Variants in CDK17 observed in about 807,000 individuals in gnomAD.
CDK17 encodes cyclin-dependent kinase 17.
In CDK17, 24 loss-of-function variants were observed where a neutral mutation model predicts 77.6. That is an observed-to-expected ratio of 0.31 (90% CI 0.22 to 0.44). The LOEUF is 0.44. Among genes scored for constraint, CDK17 ranks in the 20% least tolerant of loss-of-function variants. CDK17 has a pLI of 1.00. For missense variants in CDK17, 429 were observed against 622.5 expected, an observed-to-expected ratio of 0.69 and a Z score of 3.31; for synonymous variants, 203 against 210.4, an observed-to-expected ratio of 0.96 and a Z score of 0.30.
At chr12:96,369,967 T>C (rs991762174) in intron 1 of CDK17, among the ~76,000 whole-genome samples, 1 of 152,168 alleles carries the variant, frequency 6.6e-6, no homozygotes, top group African/African-American at 2.4e-5. Context: ...GATATTTTGC[T>C]ATTTTTGTTT....
chr12:96,380,451 G>C (rs925027704), intron 1 of CDK17, among the ~76,000 whole-genome samples: 1 of 151,702 alleles, frequency 6.6e-6, no homozygotes, highest in Non-Finnish European at 1.5e-5. Flanking sequence ...ACCACGCCCG[G>C]CTAATTTTTG....
chr12:96,376,466 G>A (rs1953784361), intron 1 of CDK17, among the ~76,000 whole-genome samples: 1 of 152,078 alleles, frequency 6.6e-6, no homozygotes, highest in South Asian at 2.1e-4. Context: ...CCCTACAAAT[G>A]CTTATAAGCA....
At chr12:96,357,468 C>T (rs1303701701) in intron 1 of CDK17, among the ~76,000 whole-genome samples, 28 of 151,998 alleles carry the variant, frequency 1.8e-4, no homozygotes, top group Non-Finnish European at 5.9e-5. Context: ...AACAAACAAA[C>T]GAAAACAGGA....
chr12:96,307,601 T>C lies in CDK17; in HGVS notation c.543+3451A>G, dbSNP rs529892112. On this transcript the variant is annotated intron_variant, in intron 5 of 16. Coordinates refer to ENST00000261211, the MANE Select transcript of CDK17 (RefSeq NM_002595.5). The stretch of plus-strand genomic sequence containing the variant: ...ATAAAAATGTCTTGGCCAGGCACAG[T>C]GGCTTATGCCTGTAATCCCAACACT... 3.3e-5 allele frequency among the ~76,000 whole-genome samples: 5 copies of C among 152,204 alleles called. No individual in the cohort carries two copies. The South Asian group carries it at 1.0e-3, about 32-fold the overall frequency.
intron 3 of CDK17, among the ~76,000 whole-genome samples, chr12:96,319,469 T>C (rs1308759973): frequency 7.7e-6 from 1 of 129,540 alleles, no homozygotes; most frequent in Non-Finnish European, 1.6e-5. Flanking sequence ...ATCATTCTGA[T>C]ACCAAAGCTG....
At chr12:96,336,320 C>G (rs998346133) in intron 1 of CDK17, among the ~76,000 whole-genome samples, 29 of 151,904 alleles carry the variant, frequency 1.9e-4, no homozygotes, top group African/African-American at 7.0e-4. Flanking sequence ...GAAAATTAGC[C>G]AGGCATGGTG....
chr12:96,357,967 T>C (rs1244801542), intron 1 of CDK17, among the ~76,000 whole-genome samples: 1 of 152,068 alleles, frequency 6.6e-6, no homozygotes, highest in East Asian at 1.9e-4. Flanking sequence ...CGGTAATTCA[T>C]AGAATAGAAT....
chr12:96,326,834 C>G (rs1168208024), intron 2 of CDK17, among the ~76,000 whole-genome samples: 1 of 152,114 alleles, frequency 6.6e-6, no homozygotes, highest in Non-Finnish European at 1.5e-5. Context: ...CCAGGTGAGA[C>G]CACAGAGGTA....
intron 1 of CDK17, among the ~76,000 whole-genome samples, chr12:96,386,334 T>C (rs71460347): frequency 0.078 from 11,804 of 152,168 alleles, 543 homozygotes; most frequent in African/African-American, 0.12. Context: ...TCAAAAAATT[T>C]CCACATTTAT....
chr12:96,387,685 T>C (rs770831315), intron 1 of CDK17, among the ~76,000 whole-genome samples: 3 of 152,226 alleles, frequency 2.0e-5, no homozygotes, highest in Non-Finnish European at 2.9e-5. Flanking sequence ...CTCACACCTG[T>C]AATCCCAGCG....
rs376685246 is a variant in CDK17, at chr12:96,368,816, G to C, written c.-30+31170C>G. On this transcript the variant is annotated intron_variant, in intron 1 of 16. Coordinates refer to ENST00000261211, the MANE Select transcript of CDK17 (RefSeq NM_002595.5). ...GAAGCTACTCTAAGACGGGGGGGGG[G>C]GGGGGGGGCACAATGAATAAGGCTG... 1.3e-4 allele frequency among the ~76,000 whole-genome samples: 12 copies of C among 90,682 alleles called. 1 individual carries two copies. The highest frequency in any genetic ancestry group is 3.9e-4 in the Admixed American group (3 of 7,746). The allele number at this position is 90,682 out of a possible 152,430, so 59.5% of individuals were successfully genotyped here.
Position 96,400,277 on chromosome 12 carries a change from G to T in CDK17, c.-321C>A. ...GCCCACTAATCCCCTCGGAGCAGCC[G>T]GGCGCGAGCGCGGCGGGCGCCGACG... On this transcript the variant is annotated 5_prime_UTR_variant, in exon 1 of 17. Transcript: ENST00000261211. 2.6e-6 allele frequency: 1 copy of T among 391,992 alleles called. No homozygotes were observed. The highest frequency in any genetic ancestry group is 1.3e-4 in the South Asian group (1 of 7,780). The allele number at this position is 391,992 out of a possible 1,614,324, so 24.3% of individuals were successfully genotyped here. A position where few individuals can be genotyped will look rare whatever the true frequency, so the allele number is the denominator to read the frequency against.
In CDK17 at chr12:96,283,653, CA is replaced by C. The variant is rs1392514795; in HGVS notation, c.1323-9del. 25 of 1,582,978 alleles carry C rather than the reference CA, an allele frequency of 1.6e-5. No homozygotes were observed. Among genetic ancestry groups the C allele is most frequent in the Non-Finnish European group, 2.2e-5 (25 of 1,155,940 alleles). ...ATTCCTTCAGAGTCTAACCTAGAAA[CA>C]ACAAAGAACAAGTAAAAATTTATGC... On this transcript the variant is annotated splice_polypyrimidine_tract_variant and intron_variant, in intron 13 of 16. Coordinates refer to ENST00000261211, the MANE Select transcript of CDK17 (RefSeq NM_002595.5).
Position 96,323,976 on chromosome 12 carries a change from C to A in CDK17, c.255G>T (p.Met85Ile). Reference sequence around the variant, plus strand: ...ATCTGCTTCCATTTCTGGGCATTGCCATGAAGGAGCCAAGGCTCCCTCCAA... The same window carrying A: ...ATCTGCTTCCATTTCTGGGCATTGCAATGAAGGAGCCAAGGCTCCCTCCAA... ...SVIGGSLGSFMAMPRNGSRLD... is the reference protein window; with the variant it reads ...SVIGGSLGSFIAMPRNGSRLD... The change falls in exon 3 of 17, where the codon ATG becomes ATT. Residue 85 changes from methionine (M) to isoleucine (I), a missense_variant. By Grantham distance (10) the Met-to-Ile change is conservative. This residue lies in a region of CDK17 where 262 missense variants were observed against 385.4 expected (regional missense o/e 0.68). Coordinates refer to ENST00000261211, the MANE Select transcript of CDK17 (RefSeq NM_002595.5). The A allele has an allele frequency of 1.2e-6, 2 of 1,601,416 alleles. No individual in the cohort carries two copies. Among genetic ancestry groups the A allele is most frequent in the Non-Finnish European group, 1.7e-6 (2 of 1,174,360 alleles).
intron 1 of CDK17, among the ~76,000 whole-genome samples, chr12:96,357,245 A>G (rs567845109): frequency 6.8e-6 from 1 of 147,984 alleles, no homozygotes; most frequent in African/African-American, 2.5e-5. Flanking sequence ...GAGCATCTCG[A>G]GGCCAGGAGT....
intron 1 of CDK17, among the ~76,000 whole-genome samples, chr12:96,347,749 C>T (rs1953244806): frequency 6.6e-6 from 1 of 152,036 alleles, no homozygotes. Flanking sequence ...GCAGAATACA[C>T]ACTCTTCAAG....
chr12:96,375,056 C>G (rs942908896), intron 1 of CDK17, among the ~76,000 whole-genome samples: 1 of 152,156 alleles, frequency 6.6e-6, no homozygotes, highest in Non-Finnish European at 1.5e-5. Context: ...CTCCTACTCT[C>G]CCCAATGTCT....
intron 5 of CDK17, among the ~76,000 whole-genome samples, chr12:96,301,877 C>A (rs747723531): frequency 2.6e-5 from 4 of 151,974 alleles, no homozygotes; most frequent in African/African-American, 4.8e-5. Flanking sequence ...AGCAGAGGCC[C>A]CTCAAAATAA....
rs1953372525 is a variant in CDK17 at position 96,355,053 on chromosome 12, T to G, written c.-29-20188A>C. Among the ~76,000 whole-genome samples the G allele has an allele frequency of 2.6e-5, 4 of 152,120 alleles. No homozygotes were observed. The South Asian group carries it at 8.3e-4, about 32-fold the overall frequency. ...TTCAAAACCCTACAATGACTGGCAC[T>G]TACTAAACTGTTAAACTCAAAGTTC... On this transcript the variant is annotated intron_variant, in intron 1 of 16. Coordinates refer to ENST00000261211, the MANE Select transcript of CDK17 (RefSeq NM_002595.5).
Sources: gnomAD v4.1 joint callset for allele counts (sites outside exome capture counted in the v4.1 genomes callset) on GRCh38, gnomAD v4.1.1 for gene constraint, gnomAD v4.1.1 regional missense constraint, MANE v1.5 for transcripts, NCBI Gene and HGNC (gene_info 2026-07-23, HGNC 2026-07-21) for gene names.